MBTPS2: variants seen among roughly 807,000 people sequenced by gnomAD.
The protein encoded by MBTPS2 is membrane-bound transcription factor site-2 protease.
Under a neutral mutation model 35.4 loss-of-function variants are expected in MBTPS2, and 2 were observed. The observed-to-expected ratio is 0.06, with a 90% CI of 0.02 to 0.18. MBTPS2 has a LOEUF of 0.18. Ranked by LOEUF, MBTPS2 falls within the 10% of genes least tolerant of loss-of-function variation. The probability of loss-of-function intolerance (pLI) is 1.00; values close to 1 mark genes in which losing one functional copy is unlikely to be tolerated. For missense variants in MBTPS2, 244 were observed against 386.5 expected, an observed-to-expected ratio of 0.63 and a Z score of 3.09; for synonymous variants, 125 against 140.4, an observed-to-expected ratio of 0.89 and a Z score of 0.77.
intron 5 of MBTPS2, among the ~76,000 whole-genome samples, chrX:21,865,865 G>A (rs181632862): frequency 2.9e-4 from 33 of 112,187 alleles, no homozygotes; most frequent in East Asian, 8.4e-4. Flanking sequence ...CTTAGCCCCC[G>A]CTTAATAATA....
At chrX:21,866,276 C>T (rs755037912) in intron 5 of MBTPS2, among the ~76,000 whole-genome samples, 18 of 108,725 alleles carry the variant, frequency 1.7e-4, no homozygotes, top group African/African-American at 5.9e-4. Flanking sequence ...AAAGGCATTC[C>T]ATCACAACTA....
rs951495987 is a variant in MBTPS2, at chrX:21,883,035, A to G, written c.*380A>G. 1.5e-5 allele frequency: 12 copies of G among 825,248 alleles called. No individual in the cohort carries two copies. The highest frequency in any genetic ancestry group is 1.8e-5 in the Non-Finnish European group (12 of 683,297). 68.0% of individuals were successfully genotyped at this position (825,248 alleles called of 1,213,427 possible). Reference sequence around the variant, plus strand: ...AAAAACTTCTTACAAAAGCATCATTAATCAAAATTTGAAGGAGACCAGACT... The same window carrying G: ...AAAAACTTCTTACAAAAGCATCATTGATCAAAATTTGAAGGAGACCAGACT... On this transcript the variant is annotated 3_prime_UTR_variant, in exon 11 of 11. Coordinates refer to ENST00000379484, the MANE Select transcript of MBTPS2 (RefSeq NM_015884.4).
intron 2 of MBTPS2, among the ~76,000 whole-genome samples, 171 bp from the exon 3 acceptor site, chrX:21,845,000 A>G (rs1018473089): frequency 8.9e-6 from 1 of 112,661 alleles, no homozygotes; most frequent in Non-Finnish European, 1.9e-5. Flanking sequence ...TGCTTAAACT[A>G]GTGCTCATGC....
chrX:21,856,340 G>C (rs867366466), intron 5 of MBTPS2: 27 of 465,862 alleles, frequency 5.8e-5, no homozygotes, highest in African/African-American at 3.5e-4. Context: ...TGCAGCTCGC[G>C]CCTTTCTCTG....
At position 21,839,655 on chromosome X, in the gene MBTPS2, A is replaced by C; in HGVS notation, c.-80A>C. 2 of 1,013,363 alleles carry C rather than the reference A, an allele frequency of 2.0e-6. No homozygotes were observed. Among genetic ancestry groups the C allele is most frequent in the East Asian group, 3.3e-5 (1 of 29,964 alleles). The allele number at this position is 1,013,363 out of a possible 1,213,427, so 83.5% of individuals were successfully genotyped here. A position where few individuals can be genotyped will look rare whatever the true frequency, so the allele number is the denominator to read the frequency against. Reference sequence around the variant, plus strand: ...TTCCTGAGCGGATGCTGGGGCTGTAAGGCGCGCGCGGTCAGCTGTTGGCGG... The same window carrying C: ...TTCCTGAGCGGATGCTGGGGCTGTACGGCGCGCGCGGTCAGCTGTTGGCGG... On this transcript the variant is annotated 5_prime_UTR_variant, in exon 1 of 11. It removes the in-frame stop codon of an upstream open reading frame in the 5' UTR. Coordinates refer to ENST00000379484, the MANE Select transcript of MBTPS2 (RefSeq NM_015884.4).
intron 4 of MBTPS2, among the ~76,000 whole-genome samples, 155 bp from the exon 5 acceptor site, chrX:21,853,221 A>G (rs2092916740): frequency 9.0e-6 from 1 of 111,125 alleles, no homozygotes; most frequent in Admixed American, 9.6e-5. Context: ...AAGATTATAT[A>G]TAGTATAGAT....
At chrX:21,856,532 G>A (rs746360796) in intron 5 of MBTPS2, 2 of 1,209,584 alleles carry the variant, frequency 1.7e-6, no homozygotes, top group Admixed American at 2.2e-5. Flanking sequence ...TGGAGATCCC[G>A]GCAGATATTG....
intron 1 of MBTPS2, 77 bp downstream of exon 1, chrX:21,839,886 C>A (rs906774444): frequency 3.9e-5 from 38 of 975,366 alleles, no homozygotes; most frequent in Non-Finnish European, 5.3e-5. Context: ...TCTTCCCCTG[C>A]CTGGCGCCTC....
At position 21,884,670 on chromosome X, in the gene MBTPS2, CT is replaced by C. The variant is rs1010695382; in HGVS notation, c.*2017del. 2.7e-6 allele frequency: 2 copies of C among 740,268 alleles called. No homozygotes were observed. Among genetic ancestry groups the C allele is most frequent in the Admixed American group, 1.8e-4 (2 of 11,281 alleles). 61.0% of individuals were successfully genotyped at this position (740,268 alleles called of 1,213,427 possible). A position where few individuals can be genotyped will look rare whatever the true frequency, so the allele number is the denominator to read the frequency against. ...AAATGTTACGTGTTTTCTTCTTTAGCTTGGTTGTGGGCACTTCTACAGCAAG... is the reference window on the plus strand; with the variant it reads ...AAATGTTACGTGTTTTCTTCTTTAGCTGGTTGTGGGCACTTCTACAGCAAG... On this transcript the variant is annotated 3_prime_UTR_variant, in exon 11 of 11. Transcript: ENST00000379484.
intron 6 of MBTPS2, among the ~76,000 whole-genome samples, chrX:21,869,091 A>G (rs923842534): frequency 1.8e-5 from 2 of 112,523 alleles, no homozygotes; most frequent in Non-Finnish European, 3.7e-5. Flanking sequence ...ATTGGCTTAC[A>G]TATACATTGT....
chrX:21,883,309 A>G lies in MBTPS2; in HGVS notation c.*654A>G. ...ATCGTGAGACATGTTTTGCCCCACA[A>G]GAGTTGCATCTTTTATAAGGTGTCT... On this transcript the variant is annotated 3_prime_UTR_variant, in exon 11 of 11. Coordinates refer to ENST00000379484, the MANE Select transcript of MBTPS2 (RefSeq NM_015884.4). 2 of 756,251 alleles carry G rather than the reference A, an allele frequency of 2.6e-6. No individual in the cohort carries two copies. Among genetic ancestry groups the G allele is most frequent in the Non-Finnish European group, 3.1e-6 (2 of 640,541 alleles). 62.3% of individuals were successfully genotyped at this position (756,251 alleles called of 1,213,427 possible). A position where few individuals can be genotyped will look rare whatever the true frequency, so the allele number is the denominator to read the frequency against.
chrX:21,843,367 A>G (rs758093019), intron 2 of MBTPS2, 49 bp downstream of exon 2: 2 of 1,100,130 alleles, frequency 1.8e-6, no homozygotes, highest in South Asian at 3.7e-5. Flanking sequence ...TTAAGTGATC[A>G]CGACAGACAG....
At chrX:21,847,396 C>G (rs2092909720) in intron 3 of MBTPS2, among the ~76,000 whole-genome samples, 1 of 111,937 alleles carries the variant, frequency 8.9e-6, no homozygotes, top group Non-Finnish European at 1.9e-5. Context: ...AAGTAACATA[C>G]TTTCTGTTTA....
chrX:21,874,001 G>GTATATATA (rs3054229), intron 7 of MBTPS2, among the ~76,000 whole-genome samples: 29 of 60,832 alleles, frequency 4.8e-4, no homozygotes, highest in Admixed American at 7.6e-4. Flanking sequence ...GTGTGTGTGT[G>GTATATATA]TATATATATA....
rs2092921993 is a variant in MBTPS2 at position 21,856,343 on chromosome X, TTTCTCTGCAGCTCGCGCC to T, written c.670+2843_670+2860del. Reference sequence around the variant, plus strand: ...CGCGCCTTTCTCTGCAGCTCGCGCCTTTCTCTGCAGCTCGCGCCTTTCTCTGCAGCTCGCCCCTTCCTC... The same window carrying T: ...CGCGCCTTTCTCTGCAGCTCGCGCCTTTTCTCTGCAGCTCGCCCCTTCCTC... On this transcript the variant is annotated intron_variant, in intron 5 of 10. Transcript: ENST00000379484. 60 of 561,873 alleles carry T rather than the reference TTTCTCTGCAGCTCGCGCC, an allele frequency of 1.1e-4. No individual in the cohort carries two copies. The East Asian group carries it at 2.0e-3, about 18-fold the overall frequency. 46.3% of individuals were successfully genotyped at this position (561,873 alleles called of 1,213,427 possible). A position where few individuals can be genotyped will look rare whatever the true frequency, so the allele number is the denominator to read the frequency against.
chrX:21,868,182 A>AGAGTATAATTAGTGGAAGATAT (rs1450687151), intron 5 of MBTPS2, among the ~76,000 whole-genome samples: 1 of 111,794 alleles, frequency 8.9e-6, no homozygotes, highest in Non-Finnish European at 1.9e-5. Context: ...TTCTGAAAAG[A>AGAGTATAATTAGTGGAAGATAT]GAGTATAATT....
At chrX:21,862,272 G>T (rs968167051) in intron 5 of MBTPS2, among the ~76,000 whole-genome samples, 9 of 110,677 alleles carry the variant, frequency 8.1e-5, no homozygotes, top group South Asian at 7.7e-4. Context: ...TTAACATCTG[G>T]CTCTGCAGGG....
At chrX:21,862,629 G>C (rs2092932754) in intron 5 of MBTPS2, among the ~76,000 whole-genome samples, 2 of 106,196 alleles carry the variant, frequency 1.9e-5, no homozygotes, top group South Asian at 8.6e-4. Context: ...CTAACACGGT[G>C]AAACCACCCG....
At chrX:21,868,225 C>T (rs1012238125) in intron 5 of MBTPS2, among the ~76,000 whole-genome samples, 4 of 111,578 alleles carry the variant, frequency 3.6e-5, no homozygotes, top group African/African-American at 9.8e-5. Flanking sequence ...AGTATCAAAT[C>T]ATGTTAGCAT....
Sources: gnomAD v4.1 joint callset for allele counts (sites outside exome capture counted in the v4.1 genomes callset) on GRCh38, gnomAD v4.1.1 for gene constraint, MANE v1.5 for transcripts, NCBI Gene and HGNC (gene_info 2026-07-23, HGNC 2026-07-21) for gene names.